The following PHACTR3 variants were observed in gnomAD, a reference collection of about 807,000 sequenced individuals.
The protein encoded by PHACTR3 is protein phosphatase 1, regulatory subunit 123.
Under a neutral mutation model 66.8 loss-of-function variants are expected in PHACTR3, and 16 were observed. The observed-to-expected ratio is 0.24, with a 90% CI of 0.16 to 0.36. PHACTR3 has a LOEUF of 0.36. Among genes scored for constraint, PHACTR3 ranks in the 10% least tolerant of loss-of-function variants. The pLI is 1.00. For synonymous variants in PHACTR3, 323 were observed against 292.1 expected (o/e 1.11, Z -1.08); for missense variants, 647 against 719.9 (o/e 0.90, Z 1.16).
At chr20:59,612,269 G>T (rs148927420) in intron 1 of PHACTR3, among the ~76,000 whole-genome samples, 4 of 152,260 alleles carry the variant, frequency 2.6e-5, no homozygotes, top group African/African-American at 9.6e-5. Flanking sequence ...CGGGACTTCC[G>T]CTGTGGGAGG....
chr20:59,798,403 T>C (rs915521652), intron 7 of PHACTR3, among the ~76,000 whole-genome samples: 3 of 152,352 alleles, frequency 2.0e-5, no homozygotes, highest in Middle Eastern at 3.4e-3. Flanking sequence ...AAACTTCCTT[T>C]CACTTTTTTG....
At chr20:59,700,622 T>A (rs894396242) in intron 1 of PHACTR3, among the ~76,000 whole-genome samples, 3 of 152,170 alleles carry the variant, frequency 2.0e-5, no homozygotes, top group African/African-American at 7.2e-5. Flanking sequence ...ATGTTTACAC[T>A]TGAAATGGTA....
chr20:59,583,476 C>G (rs2146301265), intron 1 of PHACTR3, among the ~76,000 whole-genome samples: 1 of 152,292 alleles, frequency 6.6e-6, no homozygotes, highest in African/African-American at 2.4e-5. Flanking sequence ...AAGCAGGGAC[C>G]AGCTGTGTGG....
At chr20:59,768,564 A>G (rs2040260105) in intron 5 of PHACTR3, among the ~76,000 whole-genome samples, 1 of 152,192 alleles carries the variant, frequency 6.6e-6, no homozygotes, top group Admixed American at 6.5e-5. Context: ...CCCCTCTGCG[A>G]TCTCACCTAA....
chr20:59,749,061 C>G (rs2039479583), intron 3 of PHACTR3, among the ~76,000 whole-genome samples: 1 of 152,126 alleles, frequency 6.6e-6, no homozygotes, highest in Non-Finnish European at 1.5e-5. Context: ...TAAAACCTTA[C>G]ATGTGCGAGG....
intron 8 of PHACTR3, among the ~76,000 whole-genome samples, chr20:59,812,929 A>G (rs889912233): frequency 5.9e-5 from 9 of 152,150 alleles, no homozygotes; most frequent in African/African-American, 2.2e-4. Context: ...CTCACAGTTC[A>G]TGAATGGCCA....
chr20:59,635,177 T>TC (rs1491163652), intron 1 of PHACTR3, among the ~76,000 whole-genome samples: 52 of 56,602 alleles, frequency 9.2e-4, no homozygotes, highest in East Asian at 6.0e-3. Flanking sequence ...TTCCTTTCTT[T>TC]CTTTCTTTCT....
intron 1 of PHACTR3, among the ~76,000 whole-genome samples, chr20:59,692,158 G>A (rs536031692): frequency 6.6e-6 from 1 of 152,340 alleles, no homozygotes; most frequent in East Asian, 1.9e-4. Flanking sequence ...CATTGATCTT[G>A]TGGGGAAAAT....
chr20:59,611,218 A>T (rs2033834232), intron 1 of PHACTR3, among the ~76,000 whole-genome samples: 1 of 152,248 alleles, frequency 6.6e-6, no homozygotes, highest in Non-Finnish European at 1.5e-5. Flanking sequence ...ATGAGTGAGG[A>T]TAACTGAGCT....
At chr20:59,599,548 G>A (rs1475160763), upstream of PHACTR3, among the ~76,000 whole-genome samples, 2 of 152,060 alleles carry the variant, frequency 1.3e-5, no homozygotes, top group African/African-American at 2.4e-5. Context: ...CTTGTCAAAC[G>A]GGGCTCCTCC....
intron 3 of PHACTR3, among the ~76,000 whole-genome samples, chr20:59,751,749 T>G (rs2039593604): frequency 6.6e-6 from 1 of 152,118 alleles, no homozygotes; most frequent in African/African-American, 2.4e-5. Context: ...GTGGCGTTAT[T>G]ACATGACTAG....
At chr20:59,712,420 T>C (rs181176803) in intron 1 of PHACTR3, among the ~76,000 whole-genome samples, 7 of 152,328 alleles carry the variant, frequency 4.6e-5, no homozygotes, top group Non-Finnish European at 7.4e-5. Context: ...TTGATTATTA[T>C]AGCTTTGAGA....
At chr20:59,769,694 T>C (rs371161735) in intron 5 of PHACTR3, among the ~76,000 whole-genome samples, 1 of 152,182 alleles carries the variant, frequency 6.6e-6, no homozygotes, top group African/African-American at 2.4e-5. Context: ...AGTGCAGGCA[T>C]AGTACAGGGC....
chr20:59,637,183 G>C (rs1321464766), intron 1 of PHACTR3, among the ~76,000 whole-genome samples: 1 of 152,200 alleles, frequency 6.6e-6, no homozygotes, highest in Non-Finnish European at 1.5e-5. Context: ...TCCTGTATGG[G>C]GTCTGTTCTG....
chr20:59,827,279 C>T (rs73307187), intron 8 of PHACTR3, among the ~76,000 whole-genome samples: 1,856 of 152,218 alleles, frequency 0.012, 39 homozygotes, highest in African/African-American at 0.041. Flanking sequence ...TTGGAACACC[C>T]GGCTCCAGGA....
chr20:59,608,527 T>C (rs2033740709), intron 1 of PHACTR3, among the ~76,000 whole-genome samples: 1 of 152,236 alleles, frequency 6.6e-6, no homozygotes, highest in Non-Finnish European at 1.5e-5. Flanking sequence ...GGGACTAGGC[T>C]TCTGCCCGCT....
intron 1 of PHACTR3, chr20:59,721,531 G>C (rs1040856457): frequency 6.6e-6 from 1 of 152,332 alleles, no homozygotes; most frequent in Non-Finnish European, 1.5e-5. Flanking sequence ...AGGAAGAAAA[G>C]TGTAAGTTGT....
At chr20:59,630,686 A>G (rs1276925819) in intron 1 of PHACTR3, among the ~76,000 whole-genome samples, 2 of 152,184 alleles carry the variant, frequency 1.3e-5, no homozygotes, top group Non-Finnish European at 2.9e-5. Flanking sequence ...AGGAAGTACC[A>G]CTGGGGTGGG....
At chr20:59,635,180 TTCTTTCTTTCTTTC>T (rs2034840735) in intron 1 of PHACTR3, among the ~76,000 whole-genome samples, 1 of 58,132 alleles carries the variant, frequency 1.7e-5, no homozygotes, top group African/African-American at 6.1e-5. Flanking sequence ...CTTTCTTTCT[TTCTTTCTTTCTTTC>T]TCTTTCTTTC....
Sources: allele counts gnomAD v4.1 joint callset (sites outside exome capture counted in the v4.1 genomes callset), GRCh38; gene constraint gnomAD v4.1.1; transcripts MANE v1.5; gene names NCBI Gene and HGNC (gene_info 2026-07-23, HGNC 2026-07-21).